TWSG1: variants seen among roughly 807,000 people sequenced by gnomAD.
The protein encoded by TWSG1 is twisted gastrulation BMP signaling modulator 1.
Under a neutral mutation model 23.0 loss-of-function variants are expected in TWSG1, and 15 were observed. The observed-to-expected ratio is 0.65, with a 90% CI of 0.44 to 1.00. The LOEUF is 1.00. TWSG1 is among the 50% of genes least tolerant of loss of function. The pLI, the probability that TWSG1 is intolerant of heterozygous loss-of-function variation, is 0.00. For synonymous variants in TWSG1, 86 were observed against 92.8 expected, an observed-to-expected ratio of 0.93 and a Z score of 0.42; for missense variants, 242 against 278.7, an observed-to-expected ratio of 0.87 and a Z score of 0.94.
At chr18:9,366,159 T>G (rs1011444678) in intron 3 of TWSG1, among the ~76,000 whole-genome samples, 1 of 152,214 alleles carries the variant, frequency 6.6e-6, no homozygotes, top group Non-Finnish European at 1.5e-5. Context: ...AATAGCAGAT[T>G]CTTTATAGTA....
intron 2 of TWSG1, among the ~76,000 whole-genome samples, chr18:9,354,425 A>C (rs2040515718): frequency 6.6e-6 from 1 of 152,232 alleles, no homozygotes; most frequent in Admixed American, 6.5e-5. Flanking sequence ...TGTTCCATTC[A>C]ACTGAGCAGA....
chr18:9,348,650 G>A (rs1018757247), intron 2 of TWSG1, among the ~76,000 whole-genome samples: 9 of 152,206 alleles, frequency 5.9e-5, no homozygotes, highest in Admixed American at 2.6e-4. Flanking sequence ...TTTAGATAAC[G>A]AGAGCTGCTT....
chr18:9,398,612 C>G (rs1487060344), intron 4 of TWSG1, among the ~76,000 whole-genome samples: 1 of 152,024 alleles, frequency 6.6e-6, no homozygotes, highest in Non-Finnish European at 1.5e-5. Flanking sequence ...TACCCACCAC[C>G]ATGCCCGGTT....
At chr18:9,376,962 T>C (rs1273955955) in intron 3 of TWSG1, among the ~76,000 whole-genome samples, 1 of 152,152 alleles carries the variant, frequency 6.6e-6, no homozygotes, top group Admixed American at 6.5e-5. Context: ...CTTAACAGTA[T>C]GTTTACACTG....
At chr18:9,362,229 A>G (rs1325310427) in intron 3 of TWSG1, among the ~76,000 whole-genome samples, 1 of 151,978 alleles carries the variant, frequency 6.6e-6, no homozygotes, top group Non-Finnish European at 1.5e-5. Context: ...TTTTTTTGAG[A>G]CAGGGTCTTG....
intron 3 of TWSG1, among the ~76,000 whole-genome samples, chr18:9,383,297 G>A (rs553318705): frequency 4.7e-5 from 7 of 148,604 alleles, no homozygotes; most frequent in Admixed American, 2.7e-4. Flanking sequence ...AGGTTCAAAC[G>A]ATTCTCCTGC....
chr18:9,357,510 G>C (rs778196130), intron 2 of TWSG1, among the ~76,000 whole-genome samples: 1 of 152,202 alleles, frequency 6.6e-6, no homozygotes, highest in African/African-American at 2.4e-5. Context: ...GATGAATTTA[G>C]TAGGGATAAA....
At chr18:9,343,399 AT>A (rs1043032052) in intron 2 of TWSG1, among the ~76,000 whole-genome samples, 1 of 151,408 alleles carries the variant, frequency 6.6e-6, no homozygotes, top group East Asian at 1.9e-4. Flanking sequence ...TCTCTGTTAG[AT>A]TTTTTTTAAA....
At chr18:9,352,135 A>G (rs924869845) in intron 2 of TWSG1, among the ~76,000 whole-genome samples, 3 of 151,872 alleles carry the variant, frequency 2.0e-5, no homozygotes, top group Non-Finnish European at 4.4e-5. Context: ...TTTTTTCTCT[A>G]TAGTTTTGCC....
chr18:9,361,512 G>A (rs1172023195), intron 3 of TWSG1, among the ~76,000 whole-genome samples: 1 of 152,196 alleles, frequency 6.6e-6, no homozygotes, highest in Admixed American at 6.5e-5. Flanking sequence ...GTTGGAGGAT[G>A]AACTGCCTTT....
intron 3 of TWSG1, among the ~76,000 whole-genome samples, chr18:9,373,565 G>GTGAGGCAAA: frequency 6.6e-6 from 1 of 152,194 alleles, no homozygotes; most frequent in East Asian, 1.9e-4. Flanking sequence ...ACAAAACTCT[G>GTGAGGCAAA]TGAGGCAAAA....
At chr18:9,337,451 G>T in intron 2 of TWSG1, 99 bp downstream of exon 2, 1 of 1,318,818 alleles carries the variant, frequency 7.6e-7, no homozygotes, top group Non-Finnish European at 1.0e-6. Flanking sequence ...TATAGAGTAA[G>T]ACCTGAGTAT....
chr18:9,340,229 G>C (rs1200966996), intron 2 of TWSG1, among the ~76,000 whole-genome samples: 1 of 151,590 alleles, frequency 6.6e-6, no homozygotes, highest in African/African-American at 2.4e-5. Context: ...TTAGCCAGGC[G>C]TGGTGATGGG....
rs899180057 is a variant in TWSG1, at chr18:9,334,938, G to C, written c.-38+18G>C. Reference sequence around the variant, plus strand: ...GGCGCATGGTGAGTGGGAGCGGCTGGGGGGTTGTGCAGCCTCTTGGCCTCT... The same window carrying C: ...GGCGCATGGTGAGTGGGAGCGGCTGCGGGGTTGTGCAGCCTCTTGGCCTCT... On this transcript the variant is annotated intron_variant, in intron 1 of 4. Transcript: ENST00000262120. This position sits in a 1 kb window ranked among gnomAD's most constrained non-coding sequence, Gnocchi z 4.7. The C allele has an allele frequency of 6.6e-6, 1 of 152,386 alleles. No homozygotes were observed. Among genetic ancestry groups the C allele is most frequent in the Non-Finnish European group, 1.5e-5 (1 of 68,218 alleles). The allele number at this position is 152,386 out of a possible 1,614,324, so 9.4% of individuals were successfully genotyped here. A position where few individuals can be genotyped will look rare whatever the true frequency, so the allele number is the denominator to read the frequency against.
intron 2 of TWSG1, among the ~76,000 whole-genome samples, chr18:9,340,342 T>C (rs993183053): frequency 4.2e-5 from 5 of 118,660 alleles, no homozygotes; most frequent in Non-Finnish European, 8.0e-5. Context: ...CACTCCAGCC[T>C]GGGCGACAGA....
At chr18:9,392,546 T>C (rs1334696220) in intron 3 of TWSG1, among the ~76,000 whole-genome samples, 4 of 152,244 alleles carry the variant, frequency 2.6e-5, no homozygotes, top group African/African-American at 9.6e-5. Context: ...GCAATAAGGC[T>C]GTTTCACTTT....
At chr18:9,349,775 C>G (rs1273643481) in intron 2 of TWSG1, among the ~76,000 whole-genome samples, 1 of 152,092 alleles carries the variant, frequency 6.6e-6, no homozygotes, top group Non-Finnish European at 1.5e-5. Context: ...AAAATGTTTT[C>G]TCTTTTCTCT....
intron 2 of TWSG1, among the ~76,000 whole-genome samples, chr18:9,354,059 AAG>A (rs2040513897): frequency 1.3e-5 from 2 of 152,230 alleles, no homozygotes; most frequent in Admixed American, 6.5e-5. Flanking sequence ...TATTCTTTCT[AAG>A]AGAGTAATAA....
intron 1 of TWSG1, among the ~76,000 whole-genome samples, chr18:9,335,340 A>G (rs1054634426): frequency 1.1e-4 from 16 of 152,352 alleles, no homozygotes; most frequent in African/African-American, 3.6e-4. Context: ...CCTTAACGAG[A>G]AACTTGGGCG....
Sources: gnomAD v4.1 joint callset for allele counts (sites outside exome capture counted in the v4.1 genomes callset) on GRCh38, gnomAD v4.1.1 for gene constraint, Gnocchi (gnomAD v3.1) non-coding constraint, MANE v1.5 for transcripts, NCBI Gene and HGNC (gene_info 2026-07-23, HGNC 2026-07-21) for gene names.